The following WDR1 variants were observed in gnomAD, a reference collection of about 807,000 sequenced individuals.
WDR1 encodes the protein WD repeat-containing protein 1.
WDR1 carries 21 observed loss-of-function variants against 71.9 expected under a neutral mutation model. That is an observed-to-expected ratio of 0.29 (90% CI 0.21 to 0.42). The LOEUF is 0.42. Ranked by LOEUF, WDR1 falls within the 10% of genes least tolerant of loss-of-function variation. The pLI is 1.00. For synonymous variants in WDR1, 424 were observed against 347.4 expected (o/e 1.22, Z -2.45); for missense variants, 696 against 824.5 (o/e 0.84, Z 1.91).
chr4:10,114,656 A>G (rs549047606), intron 2 of WDR1, among the ~76,000 whole-genome samples: 9 of 152,300 alleles, frequency 5.9e-5, no homozygotes, highest in African/African-American at 2.2e-4. Flanking sequence ...GGTTGTCTCA[A>G]TTTTTATTTT....
chr4:10,082,498 T>C lies in WDR1; in HGVS notation c.1196+524A>G, dbSNP rs7692095. Among the ~76,000 whole-genome samples the C allele has an allele frequency of 5.9e-3, 892 of 152,276 alleles. 3 individuals carry two copies. Among genetic ancestry groups the C allele is most frequent in the Middle Eastern group, 0.024 (7 of 294 alleles). On this transcript the variant is annotated intron_variant, in intron 10 of 14. Transcript: ENST00000499869. ...AACTGCATTTAGGACTTCAGATCAC[T>C]TGCAAACTGCTACTCTCCTAGCTCC...
chr4:10,109,597 G>C (rs1392277645), intron 2 of WDR1, among the ~76,000 whole-genome samples: 1 of 152,192 alleles, frequency 6.6e-6, no homozygotes. Context: ...CTCAGCCTCA[G>C]ATGCCTTGAA....
Position 10,093,300 on chromosome 4 carries a change from G to C in WDR1, c.558+4411C>G, listed in dbSNP as rs1023379540. On this transcript the variant is annotated intron_variant, in intron 5 of 14. Coordinates refer to ENST00000499869, the MANE Select transcript of WDR1 (RefSeq NM_017491.5). ...GCCTATGAGCTGGTAGAAGGGGACA[G>C]GCTCTCGGTCCCCTGTGCCCAGTCC... The C allele has an allele frequency of 1.1e-5, 5 of 436,016 alleles. No homozygotes were observed. The Admixed American group carries it at 1.3e-4, about 11-fold the overall frequency. 27.0% of individuals were successfully genotyped at this position (436,016 alleles called of 1,614,324 possible).
At chr4:10,081,672 G>A (rs985226822) in intron 10 of WDR1, among the ~76,000 whole-genome samples, 1 of 130,750 alleles carries the variant, frequency 7.6e-6, no homozygotes, top group Non-Finnish European at 1.6e-5. Context: ...GTGGGGGGGG[G>A]GGAAGGAGGG....
chr4:10,095,579 G>T lies in WDR1; in HGVS notation c.558+2132C>A, dbSNP rs185297374. 2.9e-3 allele frequency among the ~76,000 whole-genome samples: 444 copies of T among 152,324 alleles called. 2 individuals carry two copies. The highest frequency in any genetic ancestry group is 0.01 in the African/African-American group (423 of 41,560). ...CGACCGCAGCTTTCCTCTGGGGTCC[G>T]GAGGGCTTAAGTGCAGATACACACC... On this transcript the variant is annotated intron_variant, in intron 5 of 14. Coordinates refer to ENST00000499869, the MANE Select transcript of WDR1 (RefSeq NM_017491.5).
In WDR1 at chr4:10,116,592, G is replaced by GGGGACC. The variant is rs1476407306; in HGVS notation, c.16+53_16+58dup. On this transcript the variant is annotated intron_variant, in intron 1 of 14. Coordinates refer to ENST00000499869, the MANE Select transcript of WDR1 (RefSeq NM_017491.5). ...GCCACCCGCACGGCGCCTAGGGGCCGGGGACCGGGGCCGGGGCAGCGCGGC... is the reference window on the plus strand; with the variant it reads ...GCCACCCGCACGGCGCCTAGGGGCCGGGGACCGGGACCGGGGCCGGGGCAGCGCGGC... 41 of 1,147,200 alleles carry GGGGACC rather than the reference G, an allele frequency of 3.6e-5. No homozygotes were observed. The South Asian group carries it at 1.4e-3, about 38-fold the overall frequency. 71.1% of individuals were successfully genotyped at this position (1,147,200 alleles called of 1,614,324 possible).
At chr4:10,093,939 C>A (rs1712168700) in intron 5 of WDR1, among the ~76,000 whole-genome samples, 1 of 152,244 alleles carries the variant, frequency 6.6e-6, no homozygotes, top group Non-Finnish European at 1.5e-5. Context: ...CCTTATCTAT[C>A]AGGAAGGCAG....
At position 10,097,715 on chromosome 4, in the gene WDR1, A is replaced by T; in HGVS notation, c.554T>A (p.Ile185Asn). 1 of 1,608,794 alleles carries T rather than the reference A, an allele frequency of 6.2e-7. No individual in the cohort carries two copies. Among genetic ancestry groups the T allele is most frequent in the Non-Finnish European group, 8.5e-7 (1 of 1,176,136 alleles). Residue 185 changes from isoleucine to asparagine, a missense_variant, in exon 5 of 15, where the codon ATT (isoleucine) becomes AAT (asparagine). By Grantham distance (149) the Ile-to-Asn change is moderately radical. Coordinates refer to ENST00000499869, the MANE Select transcript of WDR1 (RefSeq NM_017491.5). Reference protein sequence around the residue: ...EGPPFKFKFTIGDHSRFVNCV... With the variant: ...EGPPFKFKFTNGDHSRFVNCV... Reference sequence around the variant, plus strand: ...CCAAAAAGTAAGTTCACTTACGCCAATTGTGAACTTGAACTTGAATGGGGG... The same window carrying T: ...CCAAAAAGTAAGTTCACTTACGCCATTTGTGAACTTGAACTTGAATGGGGG...
At chr4:10,103,335 G>A (rs892595112) in intron 3 of WDR1, among the ~76,000 whole-genome samples, 7 of 150,840 alleles carry the variant, frequency 4.6e-5, no homozygotes, top group African/African-American at 1.5e-4. Context: ...GCCCACAAGG[G>A]CTCCAACATA....
Position 10,084,486 on chromosome 4 carries a change from G to C in WDR1, c.996C>G (p.Gly332=), listed in dbSNP as rs559279260. The C allele has an allele frequency of 8.7e-6, 14 of 1,613,896 alleles. No individual in the cohort carries two copies. The South Asian group carries it at 1.4e-4, about 16-fold the overall frequency. The part of the protein sequence containing the change: ...SIQCLTVHKN[G]GKSYIYSGSH... ...TCCCAGAGTAAATGTAGGACTTGCC[G>C]CCGTTTTTATGCACCGTCAGACACT... Residue 332 remains glycine, a synonymous_variant, in exon 9 of 15, where the codon GGC becomes GGG. Coordinates refer to ENST00000499869, the MANE Select transcript of WDR1 (RefSeq NM_017491.5).
chr4:10,081,273 T>C, intron 11 of WDR1, 84 bp downstream of exon 11: 1 of 1,358,590 alleles, frequency 7.4e-7, no homozygotes. Flanking sequence ...CTAGAGCAAC[T>C]GTCAAACGGG....
chr4:10,077,919 T>G lies in WDR1; in HGVS notation c.1403A>C (p.Asn468Thr), dbSNP rs374215004. The G allele has an allele frequency of 3.1e-6, 5 of 1,605,644 alleles. No homozygotes were observed. Among genetic ancestry groups the G allele is most frequent in the Non-Finnish European group, 3.4e-6 (4 of 1,175,212 alleles). ...DTVAIGGVDGNVRLYSILGTT... is the reference protein window; with the variant it reads ...DTVAIGGVDGTVRLYSILGTT... Reference sequence around the variant, plus strand: ...GCCCAGGATGGAATACAGGCGGACGTTGCCGTCCTACGGCAGGGACAGAGA... The same window carrying G: ...GCCCAGGATGGAATACAGGCGGACGGTGCCGTCCTACGGCAGGGACAGAGA... The change falls in exon 13 of 15, where the codon AAC becomes ACC. Residue 468 changes from asparagine to threonine, a missense_variant. Asn to Thr is a moderately conservative substitution (Grantham distance 65). Coordinates refer to ENST00000499869, the MANE Select transcript of WDR1 (RefSeq NM_017491.5).
chr4:10,077,963 A>AAC (rs772370993), intron 12 of WDR1, 37 bp from the exon 13 acceptor site: 4 of 1,566,116 alleles, frequency 2.6e-6, no homozygotes, highest in Non-Finnish European at 3.5e-6. Context: ...GCCACCCCTG[A>AAC]ACACACACAC....
Position 10,103,942 on chromosome 4 carries a change from C to G in WDR1, c.183G>C (p.Val61=), listed in dbSNP as rs758759704. The G allele has an allele frequency of 3.2e-5, 52 of 1,603,148 alleles. No homozygotes were observed. The South Asian group carries it at 5.2e-4, about 16-fold the overall frequency. ...CGCTGGGCGCATACTTGGCCACCACCACCTGATGGGCGTGCTCTGTGTAGA... is the reference window on the plus strand; with the variant it reads ...CGCTGGGCGCATACTTGGCCACCACGACCTGATGGGCGTGCTCTGTGTAGA... ...ADIYTEHAHQ[V]VVAKYAPSGF... The change falls in exon 3 of 15, where the codon GTG becomes GTC. Residue 61 remains valine, a synonymous_variant. Coordinates refer to ENST00000499869, the MANE Select transcript of WDR1 (RefSeq NM_017491.5).
At chr4:10,114,777 G>C (rs1713607481) in intron 2 of WDR1, among the ~76,000 whole-genome samples, 1 of 152,206 alleles carries the variant, frequency 6.6e-6, no homozygotes, top group Non-Finnish European at 1.5e-5. Context: ...GAATCTGTGT[G>C]ACTAGCAAGT....
chr4:10,088,566 G>GA, intron 6 of WDR1, 98 bp downstream of exon 6: 1 of 1,210,618 alleles, frequency 8.3e-7, no homozygotes, highest in Non-Finnish European at 1.2e-6. Context: ...TCTAAGTTCT[G>GA]CATGTCAGGA....
intron 9 of WDR1, 121 bp from the exon 10 acceptor site, chr4:10,083,299 C>A: frequency 7.7e-7 from 1 of 1,299,132 alleles, no homozygotes; most frequent in East Asian, 2.5e-5. Flanking sequence ...ACGGACATAA[C>A]CATTCCCCCT....
intron 3 of WDR1, among the ~76,000 whole-genome samples, chr4:10,102,883 C>A (rs1257146138): frequency 6.6e-6 from 1 of 152,136 alleles, no homozygotes; most frequent in East Asian, 1.9e-4. Context: ...CTCACTTGGC[C>A]TCCCTGGGCT....
intron 10 of WDR1, 24 bp from the exon 11 acceptor site, chr4:10,081,468 T>C (rs1049834937): frequency 1.9e-6 from 3 of 1,609,448 alleles, no homozygotes; most frequent in Non-Finnish European, 2.6e-6. Context: ...AGGAAGCACA[T>C]TACTTCGACA....
Sources: gnomAD v4.1 joint callset for allele counts (sites outside exome capture counted in the v4.1 genomes callset) on GRCh38, gnomAD v4.1.1 for gene constraint, MANE v1.5 for transcripts, NCBI Gene and HGNC (gene_info 2026-07-23, HGNC 2026-07-21) for gene names.